The following NDUFS4 variants were observed in gnomAD, a reference collection of about 807,000 sequenced individuals.
The protein encoded by NDUFS4 is NADH dehydrogenase [ubiquinone] iron-sulfur protein 4, mitochondrial.
Under a neutral mutation model 24.3 loss-of-function variants are expected in NDUFS4, and 28 were observed. That is an observed-to-expected ratio of 1.15 (90% CI 0.85 to 1.58). The LOEUF (loss-of-function observed/expected upper bound fraction) is 1.58. Ranked by LOEUF, NDUFS4 falls within the 40% of genes most tolerant of loss-of-function variation. NDUFS4 has a pLI of 0.00. For missense variants in NDUFS4, 223 were observed against 207.9 expected (o/e 1.07, Z -0.45); for synonymous variants, 93 against 69.7 (o/e 1.34, Z -1.67).
chr5:53,665,667 C>T (rs193291252), intron 4 of NDUFS4, among the ~76,000 whole-genome samples: 14 of 152,356 alleles, frequency 9.2e-5, no homozygotes, highest in South Asian at 6.2e-4. Context: ...TTGCTAAGAC[C>T]GTTGGAAAAG....
At chr5:53,570,874 G>A (rs926251261) in intron 1 of NDUFS4, among the ~76,000 whole-genome samples, 2 of 151,776 alleles carry the variant, frequency 1.3e-5, no homozygotes, top group South Asian at 4.2e-4. Context: ...AGTAGAGACG[G>A]AGTTTCACCA....
chr5:53,596,700 A>G (rs1045750266), intron 1 of NDUFS4, among the ~76,000 whole-genome samples: 44 of 152,212 alleles, frequency 2.9e-4, no homozygotes, highest in African/African-American at 1.0e-3. Context: ...TAAAACTCTC[A>G]GTAATATTTC....
chr5:53,647,641 T>A (rs1184484131), intron 3 of NDUFS4, among the ~76,000 whole-genome samples: 1 of 152,186 alleles, frequency 6.6e-6, no homozygotes, highest in African/African-American at 2.4e-5. Flanking sequence ...TAGTTAAATT[T>A]AAAAAGCTGT....
intron 1 of NDUFS4, among the ~76,000 whole-genome samples, chr5:53,586,867 A>T (rs547525634): frequency 6.3e-4 from 95 of 151,958 alleles, no homozygotes; most frequent in South Asian, 1.2e-3. Context: ...CTTGTCACTG[A>T]GGCAGGAGTG....
chr5:53,642,536 A>G (rs1176115563), intron 2 of NDUFS4, among the ~76,000 whole-genome samples: 1 of 152,164 alleles, frequency 6.6e-6, no homozygotes, highest in African/African-American at 2.4e-5. Flanking sequence ...GGTGGTTGCA[A>G]GAAGCTTGCT....
At chr5:53,592,973 A>C (rs1191161668) in intron 1 of NDUFS4, among the ~76,000 whole-genome samples, 1 of 152,140 alleles carries the variant, frequency 6.6e-6, no homozygotes, top group Non-Finnish European at 1.5e-5. Context: ...GAATTTTTGC[A>C]TCTATATTTA....
chr5:53,659,275 C>T (rs1388849101), intron 4 of NDUFS4, among the ~76,000 whole-genome samples: 5 of 152,086 alleles, frequency 3.3e-5, no homozygotes. Flanking sequence ...TTCCTTTTTC[C>T]TTATTTTCTG....
chr5:53,652,674 T>C (rs1324158518), intron 3 of NDUFS4, among the ~76,000 whole-genome samples: 4 of 152,238 alleles, frequency 2.6e-5, no homozygotes, highest in Non-Finnish European at 4.4e-5. Flanking sequence ...TAAAGTACTA[T>C]ATTTACATTT....
intron 2 of NDUFS4, among the ~76,000 whole-genome samples, chr5:53,605,542 C>T (rs979478059): frequency 6.6e-6 from 1 of 152,050 alleles, no homozygotes; most frequent in Non-Finnish European, 1.5e-5. Context: ...GTCATAAAAT[C>T]GGTTGCATAC....
chr5:53,604,483 C>A (rs1386163340), intron 2 of NDUFS4, among the ~76,000 whole-genome samples: 1 of 152,160 alleles, frequency 6.6e-6, no homozygotes, highest in Non-Finnish European at 1.5e-5. Flanking sequence ...TTGTCATCAT[C>A]CTGATCTAGG....
At chr5:53,658,426 C>A in intron 3 of NDUFS4, 125 bp from the exon 4 acceptor site, 1 of 677,490 alleles carries the variant, frequency 1.5e-6, no homozygotes, top group South Asian at 1.9e-5. Context: ...GAAATTATTA[C>A]AAATAAAATA....
At chr5:53,631,543 C>T (rs1449091730) in intron 2 of NDUFS4, among the ~76,000 whole-genome samples, 1 of 152,204 alleles carries the variant, frequency 6.6e-6, no homozygotes, top group Non-Finnish European at 1.5e-5. Context: ...TTGTAAGTCC[C>T]TGACTGGGGC....
At chr5:53,658,909 C>G in intron 4 of NDUFS4, 1 of 315,708 alleles carries the variant, frequency 3.2e-6, no homozygotes, top group Non-Finnish European at 5.9e-6. Context: ...ATGAATTCCT[C>G]TGTAAAATTA....
intron 1 of NDUFS4, among the ~76,000 whole-genome samples, chr5:53,561,623 A>G (rs1312176697): frequency 6.6e-6 from 1 of 152,148 alleles, no homozygotes; most frequent in East Asian, 1.9e-4. Context: ...ACATATTAGA[A>G]CAAAGATTGG....
chr5:53,616,254 T>C (rs1244816092), intron 2 of NDUFS4, among the ~76,000 whole-genome samples: 6 of 152,022 alleles, frequency 3.9e-5, no homozygotes, highest in South Asian at 2.1e-4. Context: ...CCTGGGGATG[T>C]AGCTATGAAC....
chr5:53,672,296 A>T (rs1397305804), intron 4 of NDUFS4, among the ~76,000 whole-genome samples: 2 of 152,186 alleles, frequency 1.3e-5, no homozygotes, highest in Non-Finnish European at 2.9e-5. Context: ...ATAAATTGCA[A>T]GTAAAAATTT....
At chr5:53,616,210 T>G (rs1318041461) in intron 2 of NDUFS4, among the ~76,000 whole-genome samples, 1 of 142,768 alleles carries the variant, frequency 7.0e-6, no homozygotes, top group Non-Finnish European at 1.6e-5. Context: ...TTTCCTTCAT[T>G]CATTCAATTT....
At chr5:53,618,128 C>T (rs573300641) in intron 2 of NDUFS4, among the ~76,000 whole-genome samples, 5 of 151,920 alleles carry the variant, frequency 3.3e-5, no homozygotes, top group South Asian at 2.1e-4. Flanking sequence ...AAAAATTAGC[C>T]GAGGGTAGTG....
At chr5:53,563,450 T>G (rs2112402950) in intron 1 of NDUFS4, among the ~76,000 whole-genome samples, 1 of 152,000 alleles carries the variant, frequency 6.6e-6, no homozygotes, top group East Asian at 1.9e-4. Context: ...CATGTGCTTC[T>G]CATTTCCCTG....
Sources: allele counts gnomAD v4.1 joint callset (sites outside exome capture counted in the v4.1 genomes callset), GRCh38; gene constraint gnomAD v4.1.1; transcripts MANE v1.5; gene names NCBI Gene and HGNC (gene_info 2026-07-23, HGNC 2026-07-21).